Variants in PDGFRL observed in about 807,000 individuals in gnomAD.
The protein encoded by PDGFRL is platelet-derived growth factor receptor-like protein.
A neutral mutation model predicts 37.2 loss-of-function variants in PDGFRL; 46 were observed. That is an observed-to-expected ratio of 1.24 (90% CI 0.98 to 1.58). The LOEUF is 1.58. PDGFRL is among the 40% of genes most tolerant of loss of function. The pLI, the probability that PDGFRL is intolerant of heterozygous loss-of-function variation, is 0.00. For missense variants in PDGFRL, 692 were observed against 467.6 expected (o/e 1.48, Z -4.43); for synonymous variants, 251 against 184.3 (o/e 1.36, Z -2.93).
At chr8:17,639,895 C>G (rs368267391) in intron 5 of PDGFRL, among the ~76,000 whole-genome samples, 1 of 152,178 alleles carries the variant, frequency 6.6e-6, no homozygotes, top group African/African-American at 2.4e-5. Context: ...GATTTCTCCT[C>G]TTCCTCAGGA....
chr8:17,590,481 G>T (rs1035962054), intron 2 of PDGFRL, among the ~76,000 whole-genome samples: 4 of 152,048 alleles, frequency 2.6e-5, no homozygotes, highest in African/African-American at 9.7e-5. Flanking sequence ...GGAGGCCAAA[G>T]CAGGCAGATC....
At chr8:17,637,294 G>A (rs1184294734) in intron 5 of PDGFRL, among the ~76,000 whole-genome samples, 1 of 152,130 alleles carries the variant, frequency 6.6e-6, no homozygotes, top group African/African-American at 2.4e-5. Flanking sequence ...ATCATAAAGG[G>A]ATGCTGGATT....
chr8:17,612,799 A>G (rs748915231), intron 2 of PDGFRL, among the ~76,000 whole-genome samples: 11 of 152,202 alleles, frequency 7.2e-5, no homozygotes, highest in Non-Finnish European at 1.3e-4. Flanking sequence ...GTAATGTTGA[A>G]TCTTCTAGTT....
At chr8:17,579,230 C>G (rs1462712673) in intron 1 of PDGFRL, among the ~76,000 whole-genome samples, 1 of 152,104 alleles carries the variant, frequency 6.6e-6, no homozygotes, top group Non-Finnish European at 1.5e-5. Flanking sequence ...GCACACATAT[C>G]TATAATGTAT....
intron 5 of PDGFRL, among the ~76,000 whole-genome samples, chr8:17,638,782 T>TATAC (rs1805031766): frequency 8.7e-6 from 1 of 114,860 alleles, no homozygotes; most frequent in Non-Finnish European, 1.8e-5. Context: ...TATATATATA[T>TATAC]ATATAATTGT....
rs975366296 is a variant in PDGFRL, at chr8:17,642,768, G to C, written c.1095G>C (p.Gln365His). The C allele has an allele frequency of 6.2e-7, 1 of 1,610,484 alleles. No individual in the cohort carries two copies. Among genetic ancestry groups the C allele is most frequent in the Non-Finnish European group, 8.5e-7 (1 of 1,176,928 alleles). The change falls in exon 6 of 6, where the codon CAG becomes CAC. Residue 365 changes from glutamine to histidine, a missense_variant. By Grantham distance (24) the Gln-to-His change is conservative. Transcript: ENST00000251630. ...YICTAQNLQG[Q>H]TTVATTVEFS ...GCACTGCTCAGAATCTTCAAGGACA[G>C]ACCACAGTAGCTACCACTGTTGAGT...
At chr8:17,580,746 A>G (rs1317603014) in intron 1 of PDGFRL, among the ~76,000 whole-genome samples, 1 of 152,180 alleles carries the variant, frequency 6.6e-6, no homozygotes, top group African/African-American at 2.4e-5. Context: ...GTTTGCTCAC[A>G]GTCCAGAGGC....
At chr8:17,623,642 C>T (rs985582843) in intron 3 of PDGFRL, among the ~76,000 whole-genome samples, 8 of 152,034 alleles carry the variant, frequency 5.3e-5, no homozygotes, top group Admixed American at 1.3e-4. Flanking sequence ...TGGGAGGCCA[C>T]GGCGGGCGGA....
intron 1 of PDGFRL, among the ~76,000 whole-genome samples, chr8:17,580,790 C>T (rs977341529): frequency 2.6e-5 from 4 of 152,148 alleles, no homozygotes; most frequent in Non-Finnish European, 4.4e-5. Flanking sequence ...CAGCACCACA[C>T]AGCTTCTAAG....
intron 2 of PDGFRL, among the ~76,000 whole-genome samples, chr8:17,592,914 AT>A (rs1803971996): frequency 2.2e-4 from 1 of 4,556 alleles, no homozygotes; most frequent in Non-Finnish European, 4.2e-3. Flanking sequence ...ACCCACATAC[AT>A]GCACACACAC....
At chr8:17,588,152 TC>T in intron 1 of PDGFRL, among the ~76,000 whole-genome samples, 1 of 151,738 alleles carries the variant, frequency 6.6e-6, no homozygotes, top group Non-Finnish European at 1.5e-5. Context: ...CCAGCAACTC[TC>T]AACAATGTTG....
chr8:17,610,159 C>G (rs986168062), intron 2 of PDGFRL, among the ~76,000 whole-genome samples: 1 of 152,174 alleles, frequency 6.6e-6, no homozygotes, highest in East Asian at 1.9e-4. Context: ...CTCCTTTGTC[C>G]TCTGTCCTCA....
intron 4 of PDGFRL, 40 bp from the exon 5 acceptor site, chr8:17,634,034 A>C (rs757980528): frequency 6.2e-7 from 1 of 1,606,866 alleles, no homozygotes; most frequent in Non-Finnish European, 8.5e-7. Context: ...TCAAGGTTAC[A>C]CTCGGGGTCT....
intron 2 of PDGFRL, among the ~76,000 whole-genome samples, chr8:17,600,243 C>T (rs903948472): frequency 2.0e-5 from 3 of 152,178 alleles, no homozygotes; most frequent in Admixed American, 6.5e-5. Flanking sequence ...CTTGAGATTT[C>T]CTGCACCAAC....
At chr8:17,619,994 G>T (rs190612591) in intron 2 of PDGFRL, among the ~76,000 whole-genome samples, 512 of 152,222 alleles carry the variant, frequency 3.4e-3, no homozygotes, top group African/African-American at 0.012. Flanking sequence ...ACAGGGTCTT[G>T]CTCTGTCACC....
At position 17,589,671 on chromosome 8, in the gene PDGFRL, C is replaced by A; in HGVS notation, c.259C>A (p.Leu87Met). 6.2e-7 allele frequency: 1 copy of A among 1,612,894 alleles called. No homozygotes were observed. ...GAAACCCGCCGCTACCCTGAGTCTG[C>A]TGGCGGGGCAAACTGTAGAGCTTCG... ...FQKPAATLSLLAGQTVELRCK... is the reference protein window; with the variant it reads ...FQKPAATLSLMAGQTVELRCK... The change falls in exon 2 of 6, where the codon CTG (leucine) becomes ATG (methionine). Residue 87 changes from leucine to methionine, a missense_variant. Physicochemically the swap from Leu to Met is conservative, Grantham distance 15. Coordinates refer to ENST00000251630, the MANE Select transcript of PDGFRL (RefSeq NM_001372073.1).
At chr8:17,590,644 A>G (rs143222284) in intron 2 of PDGFRL, among the ~76,000 whole-genome samples, 2,079 of 151,912 alleles carry the variant, frequency 0.014, 38 homozygotes, top group African/African-American at 0.048. Flanking sequence ...CCCGGGATGC[A>G]GAGGTTACAG....
chr8:17,634,621 A>C (rs1440680499), intron 5 of PDGFRL, among the ~76,000 whole-genome samples: 1 of 152,170 alleles, frequency 6.6e-6, no homozygotes, highest in African/African-American at 2.4e-5. Flanking sequence ...ATATACACCA[A>C]AGAATACTAT....
At chr8:17,584,123 T>C (rs1287126846) in intron 1 of PDGFRL, among the ~76,000 whole-genome samples, 3 of 152,148 alleles carry the variant, frequency 2.0e-5, no homozygotes, top group Non-Finnish European at 4.4e-5. Flanking sequence ...GGGTCTGTTT[T>C]CAAGATGAAG....
Sources: gnomAD v4.1 joint callset for allele counts (sites outside exome capture counted in the v4.1 genomes callset) on GRCh38, gnomAD v4.1.1 for gene constraint, MANE v1.5 for transcripts, NCBI Gene and HGNC (gene_info 2026-07-23, HGNC 2026-07-21) for gene names.